The following NTN1 variants were observed in gnomAD, a reference collection of about 807,000 sequenced individuals.
The protein encoded by NTN1 is netrin-1.
Under a neutral mutation model 54.2 loss-of-function variants are expected in NTN1, and 11 were observed. The ratio of observed to expected loss-of-function variants is 0.20; its 90% CI spans 0.13 to 0.34. The LOEUF is 0.34. Ranked by LOEUF, NTN1 falls within the 10% of genes least tolerant of loss-of-function variation. NTN1 has a pLI of 1.00. For missense variants in NTN1, 740 were observed against 893.1 expected (o/e 0.83, Z 2.18); for synonymous variants, 371 against 382.0 (o/e 0.97, Z 0.33).
the NTN1 span, among the ~76,000 whole-genome samples, chr17:9,007,816 C>T: frequency 6.6e-6 from 1 of 152,032 alleles, no homozygotes; most frequent in Non-Finnish European, 1.5e-5. Context: ...ATTGTAACCT[C>T]CAACTCCTGG....
chr17:9,056,979 C>G (rs1474456161), intron 2 of NTN1, among the ~76,000 whole-genome samples: 2 of 152,230 alleles, frequency 1.3e-5, no homozygotes, highest in East Asian at 3.9e-4. Context: ...ACAGAGGCCC[C>G]CCTGTGATGT....
chr17:9,085,573 C>A (rs1045602773), intron 2 of NTN1, among the ~76,000 whole-genome samples: 2 of 152,212 alleles, frequency 1.3e-5, no homozygotes, highest in Non-Finnish European at 2.9e-5. Flanking sequence ...TGCCTCAGTT[C>A]TTGCATCTAC....
rs376354556 is a variant in NTN1 at position 9,234,748 on chromosome 17, A to G, written c.1487-4892A>G. Among the ~76,000 whole-genome samples, 19 of 152,354 alleles carry G rather than the reference A, an allele frequency of 1.2e-4. No individual in the cohort carries two copies. The East Asian group carries it at 1.5e-3, about 12-fold the overall frequency. On this transcript the variant is annotated intron_variant, in intron 6 of 6. Transcript: ENST00000173229. ...AGTTGAGCTGTGGACTCTGGGACGC[A>G]GCCGTTGAGCACTTATGATAAAACC...
rs766399153 is a variant in NTN1 at position 9,243,997 on chromosome 17, A to C, written c.*4029A>C. On this transcript the variant is annotated 3_prime_UTR_variant, in exon 7 of 7. Transcript: ENST00000173229. Reference sequence around the variant, plus strand: ...GATATCATTAAATAAACTCTTGTACACTATGCCGTCTCGCAGTCTTGATTG... The same window carrying C: ...GATATCATTAAATAAACTCTTGTACCCTATGCCGTCTCGCAGTCTTGATTG... 6.6e-6 allele frequency: 1 copy of C among 151,874 alleles called. No individual in the cohort carries two copies. The highest frequency in any genetic ancestry group is 1.5e-5 in the Non-Finnish European group (1 of 68,000). The allele number at this position is 151,874 out of a possible 1,614,324, so 9.4% of individuals were successfully genotyped here. A position where few individuals can be genotyped will look rare whatever the true frequency, so the allele number is the denominator to read the frequency against.
the NTN1 span, among the ~76,000 whole-genome samples, chr17:9,012,055 T>C: frequency 2.0e-5 from 3 of 152,200 alleles, no homozygotes; most frequent in African/African-American, 7.2e-5. Context: ...TCAGACGCTA[T>C]GAAAATCAGA....
intron 5 of NTN1, chr17:9,183,480 G>A (rs1182285539): frequency 7.9e-6 from 3 of 379,970 alleles, no homozygotes; most frequent in Non-Finnish European, 1.6e-5. Context: ...GCCGCAGACC[G>A]CAGCATGCGG....
intron 5 of NTN1, among the ~76,000 whole-genome samples, chr17:9,214,524 TAAA>T (rs1037445467): frequency 6.6e-6 from 1 of 152,230 alleles, no homozygotes; most frequent in African/African-American, 2.4e-5. Context: ...TGTGAGCTCT[TAAA>T]AAAAATCACT....
At chr17:9,213,747 T>C (rs972193162) in intron 5 of NTN1, among the ~76,000 whole-genome samples, 3 of 152,236 alleles carry the variant, frequency 2.0e-5, no homozygotes, top group Non-Finnish European at 2.9e-5. Context: ...AATCGATTTG[T>C]CCTTTAAATG....
intron 5 of NTN1, among the ~76,000 whole-genome samples, chr17:9,207,783 A>T (rs1905004128): frequency 6.6e-6 from 1 of 152,248 alleles, no homozygotes; most frequent in African/African-American, 2.4e-5. Flanking sequence ...AGGCCTGCAG[A>T]AAAGCCTTCT....
chr17:9,143,787 G>A (rs531076878), intron 2 of NTN1, among the ~76,000 whole-genome samples: 1 of 152,304 alleles, frequency 6.6e-6, no homozygotes, highest in East Asian at 1.9e-4. Flanking sequence ...CCTTTGCGAT[G>A]AGCTAGCTTT....
intron 2 of NTN1, among the ~76,000 whole-genome samples, chr17:9,161,200 C>A (rs1422608011): frequency 6.6e-6 from 1 of 151,928 alleles, no homozygotes; most frequent in Non-Finnish European, 1.5e-5. Flanking sequence ...TGGGGTGGAG[C>A]GGGGCTGGGA....
intron 2 of NTN1, among the ~76,000 whole-genome samples, chr17:9,104,828 A>G (rs958000504): frequency 5.9e-5 from 9 of 152,148 alleles, no homozygotes; most frequent in Non-Finnish European, 1.5e-5. Context: ...CGTGGGCTTT[A>G]TTCTAGGGAG....
At chr17:9,035,071 C>T (rs1052960938) in intron 2 of NTN1, among the ~76,000 whole-genome samples, 18 of 152,266 alleles carry the variant, frequency 1.2e-4, no homozygotes, top group East Asian at 7.7e-4. Flanking sequence ...CTCAGTCTCC[C>T]GAGTAGCTGG....
chr17:9,117,138 A>G (rs1280533904), intron 2 of NTN1, among the ~76,000 whole-genome samples: 1 of 152,222 alleles, frequency 6.6e-6, no homozygotes, highest in Admixed American at 6.5e-5. Flanking sequence ...ATGATGTTAT[A>G]GGAAAAAATG....
At chr17:9,065,388 C>A (rs186885088) in intron 2 of NTN1, among the ~76,000 whole-genome samples, 1 of 152,342 alleles carries the variant, frequency 6.6e-6, no homozygotes, top group East Asian at 1.9e-4. Flanking sequence ...ACCTGTTCTT[C>A]CCACTCTTCT....
At chr17:9,139,876 C>G (rs1330625655) in intron 2 of NTN1, among the ~76,000 whole-genome samples, 1 of 150,266 alleles carries the variant, frequency 6.7e-6, no homozygotes, top group African/African-American at 2.5e-5. Context: ...ATCGATTCCT[C>G]CATCATTTAT....
chr17:9,093,423 C>A (rs909992770), intron 2 of NTN1, among the ~76,000 whole-genome samples: 1 of 152,184 alleles, frequency 6.6e-6, no homozygotes, highest in Non-Finnish European at 1.5e-5. Flanking sequence ...AGTGCAGTGG[C>A]ACGATCACAG....
In NTN1 at chr17:9,204,633, T is replaced by C. The variant is rs560924451; in HGVS notation, c.1412-16535T>C. The stretch of plus-strand genomic sequence containing the variant: ...TGGATTCTGTGGCCTGCGTCCAGTC[T>C]ATCAGTCGGTGGCAAATGGCAGTGA... On this transcript the variant is annotated intron_variant, in intron 5 of 6. Coordinates refer to ENST00000173229, the MANE Select transcript of NTN1 (RefSeq NM_004822.3). Among the ~76,000 whole-genome samples the C allele has an allele frequency of 3.9e-5, 6 of 152,336 alleles. No individual in the cohort carries two copies. The South Asian group carries it at 1.0e-3, about 26-fold the overall frequency.
chr17:9,090,628 A>G (rs1249398786), intron 2 of NTN1, among the ~76,000 whole-genome samples: 4 of 152,128 alleles, frequency 2.6e-5, no homozygotes, highest in Non-Finnish European at 4.4e-5. Context: ...GCAGCCACTC[A>G]GGAGACCTTG....
Sources: allele counts gnomAD v4.1 joint callset (sites outside exome capture counted in the v4.1 genomes callset), GRCh38; gene constraint gnomAD v4.1.1; transcripts MANE v1.5; gene names NCBI Gene and HGNC (gene_info 2026-07-23, HGNC 2026-07-21).